OR9Q1: variants seen among roughly 807,000 people sequenced by gnomAD.
OR9Q1 encodes olfactory receptor family 9 subfamily Q member 1, also known as olfactory receptor 9Q1.
For missense variants in OR9Q1, 374 were observed against 378.8 expected (o/e 0.99, Z 0.11); for synonymous variants, 153 against 148.6 (o/e 1.03, Z -0.22).
At chr11:58,141,416 G>A (rs573173642) in intron 2 of OR9Q1, among the ~76,000 whole-genome samples, 2 of 152,236 alleles carry the variant, frequency 1.3e-5, no homozygotes, top group African/African-American at 4.8e-5. Context: ...TTATTGAGAG[G>A]TTTTAGCATG....
chr11:58,139,009 AG>A (rs1854216584), intron 2 of OR9Q1, among the ~76,000 whole-genome samples: 1 of 152,144 alleles, frequency 6.6e-6, no homozygotes. Context: ...CTAAAGAAAG[AG>A]GGGAGACAGA....
intron 2 of OR9Q1, among the ~76,000 whole-genome samples, chr11:58,076,977 G>C (rs1238199197): frequency 1.3e-5 from 2 of 152,118 alleles, no homozygotes; most frequent in Non-Finnish European, 2.9e-5. Context: ...TCAGGATAAA[G>C]AGAATGACAG....
intron 2 of OR9Q1, among the ~76,000 whole-genome samples, chr11:58,168,665 C>T (rs1325078716): frequency 6.6e-6 from 1 of 151,954 alleles, no homozygotes; most frequent in East Asian, 1.9e-4. Context: ...TGCAAGAATC[C>T]ACCTCCTGGT....
chr11:58,133,765 G>C lies in OR9Q1; in HGVS notation c.-14-45666G>C, dbSNP rs190747554. Among the ~76,000 whole-genome samples the C allele has an allele frequency of 4.3e-4, 66 of 152,294 alleles. 1 individual carries two copies. The highest frequency in any genetic ancestry group is 3.7e-3 in the Admixed American group (57 of 15,294). On this transcript the variant is annotated intron_variant, in intron 2 of 2. Transcript: ENST00000335397. ...AACTTGTAAAATGCTGGCAGGTGTT[G>C]GGAATGATTCAGCATGACGCCATTG...
chr11:58,034,891 G>A (rs745789775), intron 1 of OR9Q1, among the ~76,000 whole-genome samples: 3 of 146,056 alleles, frequency 2.1e-5, no homozygotes, highest in South Asian at 4.5e-4. Context: ...GTGGTGGTGC[G>A]ATCTTGGCTC....
chr11:58,086,569 A>C (rs750663082), intron 2 of OR9Q1, among the ~76,000 whole-genome samples: 18 of 151,962 alleles, frequency 1.2e-4, no homozygotes, highest in Non-Finnish European at 2.5e-4. Flanking sequence ...TGTTCATTGA[A>C]TCATTCTTCA....
chr11:58,048,336 A>G (rs998674248), intron 1 of OR9Q1, among the ~76,000 whole-genome samples: 3 of 152,150 alleles, frequency 2.0e-5, no homozygotes, highest in African/African-American at 7.2e-5. Context: ...ATGTACTGAA[A>G]TATCACACTG....
intron 2 of OR9Q1, among the ~76,000 whole-genome samples, chr11:58,178,988 TAGAGAGAGAGAGAGAAAGAAAGAAAG>T (rs1248458001): frequency 1.8e-5 from 2 of 110,238 alleles, no homozygotes; most frequent in African/African-American, 7.3e-5. Flanking sequence ...TTATATATTA[TAGAGAGAGAGAGAGAAAGAAAGAAAG>T]AGAGAGAGAG....
intron 2 of OR9Q1, among the ~76,000 whole-genome samples, chr11:58,089,097 C>T (rs986182509): frequency 1.3e-5 from 2 of 151,600 alleles, no homozygotes; most frequent in Admixed American, 6.6e-5. Context: ...AGACTGATCT[C>T]GAAATCCTGA....
chr11:58,118,266 A>C lies in OR9Q1; in HGVS notation c.-14-61165A>C, dbSNP rs142203655. The C allele has an allele frequency of 1.5e-5, 6 of 403,760 alleles. No homozygotes were observed. The East Asian group carries it at 2.3e-4, about 15-fold the overall frequency. 25.0% of individuals were successfully genotyped at this position (403,760 alleles called of 1,614,324 possible). ...AGTTGTGACATTAGAGAATATTAAG[A>C]GACTGCCCAGTGCTAAGGAATGGAT... On this transcript the variant is annotated intron_variant, in intron 2 of 2. Transcript: ENST00000335397.
At chr11:58,065,674 C>T (rs1312510743) in intron 2 of OR9Q1, among the ~76,000 whole-genome samples, 17 of 152,030 alleles carry the variant, frequency 1.1e-4, no homozygotes, top group African/African-American at 3.1e-4. Context: ...CTTTAGTTGC[C>T]GTGATTTTGA....
chr11:58,122,640 G>A lies in OR9Q1; in HGVS notation c.-14-56791G>A, dbSNP rs374149542. Among the ~76,000 whole-genome samples the A allele has an allele frequency of 2.0e-4, 30 of 152,194 alleles. No homozygotes were observed. The South Asian group carries it at 3.7e-3, about 19-fold the overall frequency. On this transcript the variant is annotated intron_variant, in intron 2 of 2. Coordinates refer to ENST00000335397, the MANE Select transcript of OR9Q1 (RefSeq NM_001005212.4). Reference sequence around the variant, plus strand: ...GGGGCCTTAGGTAGAAAATTGAATGGCCTTTACTCCTCAGTTCCTGATAAA... The same window carrying A: ...GGGGCCTTAGGTAGAAAATTGAATGACCTTTACTCCTCAGTTCCTGATAAA...
At chr11:58,108,677 C>A in intron 2 of OR9Q1, 1 of 202,910 alleles carries the variant, frequency 4.9e-6, no homozygotes. Flanking sequence ...ATATGAAGAC[C>A]TGGAGAAAAG....
intron 1 of OR9Q1, among the ~76,000 whole-genome samples, chr11:58,034,198 G>A (rs981398670): frequency 1.4e-5 from 2 of 147,706 alleles, no homozygotes; most frequent in African/African-American, 2.5e-5. Flanking sequence ...CCATTCTCCT[G>A]CTTCAGTCTC....
chr11:58,173,941 A>C (rs1416314189), intron 2 of OR9Q1, among the ~76,000 whole-genome samples: 1 of 152,144 alleles, frequency 6.6e-6, no homozygotes, highest in Non-Finnish European at 1.5e-5. Flanking sequence ...AAGATCCTAG[A>C]CTTTGATCTT....
At chr11:58,038,829 G>A (rs936276720) in intron 1 of OR9Q1, among the ~76,000 whole-genome samples, 3 of 151,960 alleles carry the variant, frequency 2.0e-5, no homozygotes, top group Admixed American at 6.6e-5. Context: ...GTTTTTCAGG[G>A]TTCTTAGTCT....
intron 2 of OR9Q1, among the ~76,000 whole-genome samples, chr11:58,085,590 T>C (rs1057088229): frequency 6.6e-6 from 1 of 151,880 alleles, no homozygotes; most frequent in African/African-American, 2.4e-5. Context: ...AATACCTCTC[T>C]ATTCTATGCT....
intron 1 of OR9Q1, among the ~76,000 whole-genome samples, chr11:58,053,612 AAT>A (rs138801860): frequency 0.22 from 20,357 of 94,368 alleles, 2,257 homozygotes; most frequent in South Asian, 0.32. Flanking sequence ...AAAATTAAAA[AAT>A]ATATATATAT....
chr11:58,139,284 T>C (rs1026907500), intron 2 of OR9Q1, among the ~76,000 whole-genome samples: 1 of 16,054 alleles, frequency 6.2e-5, no homozygotes, highest in African/African-American at 1.6e-4. Flanking sequence ...TGTGCAGCTG[T>C]TTTTTTTTTT....
Sources: allele counts gnomAD v4.1 joint callset (sites outside exome capture counted in the v4.1 genomes callset), GRCh38; gene constraint gnomAD v4.1.1; transcripts MANE v1.5; gene names NCBI Gene and HGNC (gene_info 2026-07-23, HGNC 2026-07-21).